DPP10: variants seen among roughly 807,000 people sequenced by gnomAD.
DPP10 encodes inactive dipeptidyl peptidase 10.
A neutral mutation model predicts 120.9 loss-of-function variants in DPP10; 33 were observed. The ratio of observed to expected loss-of-function variants is 0.27; its 90% confidence interval spans 0.21 to 0.37. The LOEUF is 0.37. Ranked by LOEUF, DPP10 falls within the 10% of genes least tolerant of loss-of-function variation. The pLI, the probability that DPP10 is intolerant of heterozygous loss-of-function variation, is 1.00. For synonymous variants in DPP10, 337 were observed against 326.1 expected (o/e 1.03, Z -0.36); for missense variants, 816 against 942.8 (o/e 0.87, Z 1.76).
At chr2:114,841,182 CTT>C (rs1202467226) in intron 1 of DPP10, among the ~76,000 whole-genome samples, 1 of 152,124 alleles carries the variant, frequency 6.6e-6, no homozygotes, top group East Asian at 1.9e-4. Context: ...AAAAAGCAAT[CTT>C]TTCAAAACTG....
At chr2:114,769,041 G>A (rs917002904) in intron 1 of DPP10, among the ~76,000 whole-genome samples, 2 of 152,090 alleles carry the variant, frequency 1.3e-5, no homozygotes, top group African/African-American at 4.8e-5. Flanking sequence ...TAAATTAAGA[G>A]TGGAATAGTA....
intron 1 of DPP10, among the ~76,000 whole-genome samples, chr2:115,291,420 C>CATAA (rs2060649360): frequency 6.6e-6 from 1 of 152,064 alleles, no homozygotes; most frequent in Non-Finnish European, 1.5e-5. Context: ...GCTTTACTAA[C>CATAA]CAACATAACA....
chr2:115,844,557 G>A lies in DPP10; in HGVS notation c.*2212G>A, dbSNP rs1281247773. On this transcript the variant is annotated 3_prime_UTR_variant, in exon 26 of 26. Coordinates refer to ENST00000410059, the MANE Select transcript of DPP10 (RefSeq NM_020868.6). ...GCGATTCTTTGAGTTTTAATGACAG[G>A]GTCATTTTCAGTAAAGGAAATGCTC... 1 of 151,960 alleles carries A rather than the reference G, an allele frequency of 6.6e-6. No individual in the cohort carries two copies. The highest frequency in any genetic ancestry group is 1.5e-5 in the Non-Finnish European group (1 of 67,960). The allele number at this position is 151,960 out of a possible 1,614,324, so 9.4% of individuals were successfully genotyped here.
intron 1 of DPP10, among the ~76,000 whole-genome samples, chr2:115,188,839 G>GAA (rs371771030): frequency 1.4e-5 from 2 of 145,918 alleles, no homozygotes; most frequent in East Asian, 4.0e-4. Context: ...GTAAAAATAT[G>GAA]AAAAAAAAAA....
chr2:115,421,975 C>T (rs2070015761), intron 3 of DPP10, among the ~76,000 whole-genome samples: 1 of 151,820 alleles, frequency 6.6e-6, no homozygotes, highest in Admixed American at 6.6e-5. Flanking sequence ...AAGCAGCACC[C>T]CCACCTCTCA....
At chr2:114,800,785 C>G (rs1403193526) in intron 1 of DPP10, among the ~76,000 whole-genome samples, 2 of 152,052 alleles carry the variant, frequency 1.3e-5, no homozygotes, top group African/African-American at 4.8e-5. Context: ...GAATTTGAAC[C>G]CAGGTCTTAT....
At chr2:114,822,487 G>T (rs72961604) in intron 1 of DPP10, among the ~76,000 whole-genome samples, 5 of 152,088 alleles carry the variant, frequency 3.3e-5, no homozygotes, top group African/African-American at 7.2e-5. Flanking sequence ...CATTTTCCCC[G>T]TTGTCTTGGT....
chr2:114,948,529 C>T (rs1240809939), intron 1 of DPP10, among the ~76,000 whole-genome samples: 2 of 152,084 alleles, frequency 1.3e-5, no homozygotes, highest in African/African-American at 4.8e-5. Flanking sequence ...AAATTCAGAC[C>T]TTATTTTTTT....
At chr2:115,475,529 G>A (rs2075019743) in intron 3 of DPP10, among the ~76,000 whole-genome samples, 1 of 152,202 alleles carries the variant, frequency 6.6e-6, no homozygotes, top group African/African-American at 2.4e-5. Context: ...ATGTGGGGTT[G>A]GAGTCCCCAC....
chr2:115,238,275 G>A (rs1254905190), intron 1 of DPP10, among the ~76,000 whole-genome samples: 1 of 152,144 alleles, frequency 6.6e-6, no homozygotes, highest in Non-Finnish European at 1.5e-5. Flanking sequence ...TAGTACCTCT[G>A]CTTGCAGCAC....
intron 5 of DPP10, among the ~76,000 whole-genome samples, chr2:115,575,091 A>G (rs2081567986): frequency 6.6e-6 from 1 of 152,176 alleles, no homozygotes; most frequent in Non-Finnish European, 1.5e-5. Flanking sequence ...ATTTAGAAGA[A>G]TCCTTCAGTT....
chr2:115,458,403 C>G (rs1029409966), intron 3 of DPP10, among the ~76,000 whole-genome samples: 9 of 152,048 alleles, frequency 5.9e-5, no homozygotes, highest in African/African-American at 2.2e-4. Context: ...TGTTTAGACA[C>G]TACTTTTGAT....
intron 1 of DPP10, among the ~76,000 whole-genome samples, chr2:114,796,722 G>A (rs549248130): frequency 1.3e-5 from 2 of 152,258 alleles, no homozygotes; most frequent in African/African-American, 2.4e-5. Context: ...TTTTAGGAAA[G>A]TTGTGTTGAC....
chr2:115,004,939 C>A (rs1574678224), intron 1 of DPP10, among the ~76,000 whole-genome samples: 1 of 152,224 alleles, frequency 6.6e-6, no homozygotes, highest in East Asian at 1.9e-4. Context: ...AAAAAGACAG[C>A]AGTAACCTCT....
At chr2:115,379,105 T>G (rs2066063563) in intron 3 of DPP10, among the ~76,000 whole-genome samples, 1 of 152,210 alleles carries the variant, frequency 6.6e-6, no homozygotes, top group African/African-American at 2.4e-5. Flanking sequence ...TTCTATTGAT[T>G]GGAATAGTTT....
At chr2:115,231,544 G>A (rs1169198459) in intron 1 of DPP10, among the ~76,000 whole-genome samples, 4 of 152,192 alleles carry the variant, frequency 2.6e-5, no homozygotes, top group African/African-American at 9.6e-5. Context: ...TTCTGGAGAA[G>A]AAATTCATCT....
At chr2:115,430,787 A>G (rs1306353664) in intron 3 of DPP10, among the ~76,000 whole-genome samples, 2 of 152,204 alleles carry the variant, frequency 1.3e-5, no homozygotes, top group Admixed American at 6.6e-5. Flanking sequence ...GCCCGCGTCC[A>G]TAAAATGGTA....
At chr2:115,699,022 GAAAAAAAAAAAAACA>G (rs1211327595) in intron 7 of DPP10, among the ~76,000 whole-genome samples, 1 of 39,180 alleles carries the variant, frequency 2.6e-5, no homozygotes, top group Non-Finnish European at 4.8e-5. Context: ...TAGCTTGACT[GAAAAAAAAAAAAACA>G]AAAAAAAAAA....
intron 1 of DPP10, among the ~76,000 whole-genome samples, chr2:114,936,164 C>T (rs115389278): frequency 6.6e-6 from 1 of 152,048 alleles, no homozygotes; most frequent in African/African-American, 2.4e-5. Context: ...CCCAAGTCCC[C>T]GAAGTCCATT....
Sources: allele counts gnomAD v4.1 joint callset (sites outside exome capture counted in the v4.1 genomes callset), GRCh38; gene constraint gnomAD v4.1.1; transcripts MANE v1.5; gene names NCBI Gene and HGNC (gene_info 2026-07-23, HGNC 2026-07-21).